SYT16: variants seen among roughly 807,000 people sequenced by gnomAD.
The protein encoded by SYT16 is synaptotagmin 16.
SYT16 carries 42 observed loss-of-function variants against 61.4 expected under a neutral mutation model. The observed-to-expected ratio is 0.68, with a 90% CI of 0.53 to 0.89. The LOEUF (loss-of-function observed/expected upper bound fraction) is 0.89, where lower values mean the gene tolerates loss of function less well. Among genes scored for constraint, SYT16 ranks in the 40% least tolerant of loss-of-function variants. SYT16 has a pLI of 0.00. For missense variants in SYT16, 804 were observed against 807.3 expected (o/e 1.00, Z 0.05); for synonymous variants, 314 against 302.3 (o/e 1.04, Z -0.40).
chr14:61,856,535 G>A (rs2046781373), intron 1 of SYT16, among the ~76,000 whole-genome samples: 1 of 152,192 alleles, frequency 6.6e-6, no homozygotes, highest in East Asian at 1.9e-4. Context: ...TGAGAAACTG[G>A]AGGGCAGGAG....
At chr14:61,981,707 C>T (rs996828572) in intron 2 of SYT16, among the ~76,000 whole-genome samples, 8 of 152,064 alleles carry the variant, frequency 5.3e-5, no homozygotes, top group Non-Finnish European at 1.0e-4. Flanking sequence ...TGTTACACAG[C>T]CAGCTGATTG....
chr14:61,927,565 T>A (rs1303088067), intron 1 of SYT16, among the ~76,000 whole-genome samples: 1 of 152,212 alleles, frequency 6.6e-6, no homozygotes, highest in African/African-American at 2.4e-5. Flanking sequence ...AAGACAGAAC[T>A]AATAATGCCA....
intron 1 of SYT16, among the ~76,000 whole-genome samples, chr14:61,838,661 G>GT (rs2046207114): frequency 1.3e-5 from 2 of 152,072 alleles, no homozygotes; most frequent in South Asian, 4.2e-4. Flanking sequence ...GGGAACTTTT[G>GT]TAAGTACCTT....
At chr14:61,954,017 G>C (rs141735801) in intron 1 of SYT16, among the ~76,000 whole-genome samples, 1 of 152,172 alleles carries the variant, frequency 6.6e-6, no homozygotes, top group African/African-American at 2.4e-5. Context: ...TATTTCATTG[G>C]AAGGAGAACT....
intron 3 of SYT16, among the ~76,000 whole-genome samples, chr14:62,063,106 C>T (rs2055899871): frequency 6.6e-6 from 1 of 152,164 alleles, no homozygotes; most frequent in African/African-American, 2.4e-5. Context: ...CAGAGCACTC[C>T]ACCTCCAGGC....
At position 62,061,707 on chromosome 14, in the gene SYT16, AGT is replaced by A. The variant is rs537946176; in HGVS notation, c.524-7891_524-7890del. On this transcript the variant is annotated intron_variant, in intron 3 of 7. Coordinates refer to ENST00000683842, the MANE Select transcript of SYT16 (RefSeq NM_001367656.1). ...TTCATCAAGAAGACACAAAATTGTA[AGT>A]GTGTATGCACCTATTAAGGGCTTCA... is the stretch of plus-strand genomic sequence containing the variant. Among the ~76,000 whole-genome samples, 422 of 152,312 alleles carry A rather than the reference AGT, an allele frequency of 2.8e-3. 4 individuals are homozygous for A. The highest frequency in any genetic ancestry group is 9.6e-3 in the African/African-American group (399 of 41,580).
At chr14:61,934,509 A>C (rs986554466) in intron 1 of SYT16, among the ~76,000 whole-genome samples, 3 of 152,236 alleles carry the variant, frequency 2.0e-5, no homozygotes, top group African/African-American at 7.2e-5. Flanking sequence ...GGAAGAAATG[A>C]TGTGGTTTGG....
At chr14:62,007,361 A>G (rs768729576) in intron 3 of SYT16, among the ~76,000 whole-genome samples, 21 of 152,294 alleles carry the variant, frequency 1.4e-4, no homozygotes, top group Admixed American at 2.0e-4. Flanking sequence ...AGTATTTGCC[A>G]TCATGTTCCT....
Position 62,101,571 on chromosome 14 carries a change from A to G in SYT16, c.*864A>G, listed in dbSNP as rs1317363276. On this transcript the variant is annotated 3_prime_UTR_variant, in exon 8 of 8. Transcript: ENST00000683842. ...TTGGATTATCCTTTTTCTATGTTCA[A>G]TTATATATACTCATATATGAATATT... is the stretch of plus-strand genomic sequence containing the variant. 1.3e-5 allele frequency: 2 copies of G among 152,158 alleles called. No individual in the cohort carries two copies. Among genetic ancestry groups the G allele is most frequent in the African/African-American group, 2.4e-5 (1 of 41,436 alleles). 9.4% of individuals were successfully genotyped at this position (152,158 alleles called of 1,614,324 possible). A position where few individuals can be genotyped will look rare whatever the true frequency, so the allele number is the denominator to read the frequency against.
At position 62,008,227 on chromosome 14, in the gene SYT16, A is replaced by G. The variant is rs998275966; in HGVS notation, c.523+11685A>G. Among the ~76,000 whole-genome samples, 3 of 151,896 alleles carry G rather than the reference A, an allele frequency of 2.0e-5. No homozygotes were observed. The South Asian group carries it at 6.2e-4, about 32-fold the overall frequency. On this transcript the variant is annotated intron_variant, in intron 3 of 7. Coordinates refer to ENST00000683842, the MANE Select transcript of SYT16 (RefSeq NM_001367656.1). ...CCTCTTCCCATATCTGCCCCTGAGG[A>G]GAGCGAGTCTTGTTTCTGAAAAGGA... is the stretch of plus-strand genomic sequence containing the variant.
chr14:61,904,241 T>G (rs1267397360), intron 1 of SYT16, among the ~76,000 whole-genome samples: 4 of 152,214 alleles, frequency 2.6e-5, no homozygotes, highest in African/African-American at 9.7e-5. Flanking sequence ...GATTTAGGAC[T>G]ATCAACGCTG....
intron 3 of SYT16, among the ~76,000 whole-genome samples, chr14:62,061,240 G>C (rs951509766): frequency 1.3e-5 from 2 of 152,010 alleles, no homozygotes; most frequent in Non-Finnish European, 2.9e-5. Context: ...AGAAGAAAAT[G>C]AAAATAGGTA....
intron 1 of SYT16, among the ~76,000 whole-genome samples, chr14:61,955,317 C>T (rs1005273988): frequency 1.3e-5 from 2 of 152,044 alleles, no homozygotes; most frequent in Non-Finnish European, 2.9e-5. Flanking sequence ...TAAAATCTAT[C>T]CTTTTAGCAA....
intron 1 of SYT16, among the ~76,000 whole-genome samples, chr14:61,857,120 T>C (rs1347533304): frequency 3.3e-5 from 5 of 151,560 alleles, no homozygotes. Context: ...ATAAAGGGTG[T>C]GTTATTGAGA....
chr14:62,080,224 C>A (rs8005509), intron 5 of SYT16, among the ~76,000 whole-genome samples: 73,398 of 152,066 alleles, frequency 0.48, 19,324 homozygotes, highest in African/African-American at 0.7. Context: ...TCCCTTGTGC[C>A]TGTCCCAGAA....
intron 3 of SYT16, among the ~76,000 whole-genome samples, chr14:62,029,795 A>T (rs1418799267): frequency 1.3e-5 from 2 of 150,988 alleles, no homozygotes; most frequent in African/African-American, 4.9e-5. Context: ...AAAAAAAAGT[A>T]GTAGGAGGAG....
Position 61,958,958 on chromosome 14 carries a change from G to A in SYT16, c.-324-11174G>A, listed in dbSNP as rs1429352351. On this transcript the variant is annotated intron_variant, in intron 1 of 7. Coordinates refer to ENST00000683842, the MANE Select transcript of SYT16 (RefSeq NM_001367656.1). The stretch of plus-strand genomic sequence containing the variant: ...GTTTGGAGCATATATATTTTTAGTT[G>A]TGATAGATCCCTGTAGAATTGACCC... Among the ~76,000 whole-genome samples, 13 of 152,054 alleles carry A rather than the reference G, an allele frequency of 8.5e-5. No homozygotes were observed. In the East Asian group the frequency reaches 1.9e-3, roughly 23 times the overall value.
intron 1 of SYT16, among the ~76,000 whole-genome samples, chr14:61,883,947 A>G (rs2047795912): frequency 6.6e-6 from 1 of 152,190 alleles, no homozygotes; most frequent in Non-Finnish European, 1.5e-5. Flanking sequence ...CTCACTAACT[A>G]TCATGAGAAC....
chr14:61,888,321 T>C (rs1172518640), intron 1 of SYT16, among the ~76,000 whole-genome samples: 1 of 152,122 alleles, frequency 6.6e-6, no homozygotes, highest in Non-Finnish European at 1.5e-5. Flanking sequence ...TTTTGCCATA[T>C]TGGCCAGGCT....
Sources: gnomAD v4.1 joint callset for allele counts (sites outside exome capture counted in the v4.1 genomes callset) on GRCh38, gnomAD v4.1.1 for gene constraint, MANE v1.5 for transcripts, NCBI Gene and HGNC (gene_info 2026-07-23, HGNC 2026-07-21) for gene names.